Variants in SAMD8 observed in about 807,000 individuals in gnomAD.
SAMD8 encodes sterile alpha motif domain containing 8.
In SAMD8, 20 loss-of-function variants were observed where a neutral mutation model predicts 42.0. The observed-to-expected ratio is 0.48, with a 90% CI of 0.34 to 0.69. The LOEUF (loss-of-function observed/expected upper bound fraction) is 0.69. Ranked by LOEUF, SAMD8 falls within the 30% of genes least tolerant of loss-of-function variation. The pLI is 0.01. For missense variants in SAMD8, 328 were observed against 511.6 expected (o/e 0.64, Z 3.46); for synonymous variants, 162 against 173.0 (o/e 0.94, Z 0.50).
At chr10:75,112,169 G>T (rs1478515560) in intron 1 of SAMD8, among the ~76,000 whole-genome samples, 1 of 152,174 alleles carries the variant, frequency 6.6e-6, no homozygotes, top group Non-Finnish European at 1.5e-5. Context: ...GGCTGGGACT[G>T]GAGCCCTCTC....
chr10:75,108,956 G>A, upstream of SAMD8: 1 of 1,547,492 alleles, frequency 6.5e-7, no homozygotes, highest in Non-Finnish European at 8.7e-7. Flanking sequence ...AAGCGACCAA[G>A]AACTGCCTCT....
intron 2 of SAMD8, among the ~76,000 whole-genome samples, chr10:75,152,552 A>C (rs1354604311): frequency 6.6e-6 from 1 of 151,320 alleles, no homozygotes; most frequent in African/African-American, 2.4e-5. Flanking sequence ...AAAAAAAGAA[A>C]AATAAGAATA....
At chr10:75,152,615 G>A (rs1040630286) in intron 2 of SAMD8, among the ~76,000 whole-genome samples, 5 of 152,082 alleles carry the variant, frequency 3.3e-5, no homozygotes, top group Non-Finnish European at 5.9e-5. Context: ...CACTTTGGGA[G>A]GCCCAGGTGG....
chr10:75,115,940 CAAAA>C (rs35416435), intron 1 of SAMD8, among the ~76,000 whole-genome samples: 2 of 68,862 alleles, frequency 2.9e-5, no homozygotes, highest in African/African-American at 5.3e-5. Context: ...GACTCCGTCT[CAAAA>C]AAAAAAAAAA....
chr10:75,128,226 C>T (rs905003595), intron 1 of SAMD8, among the ~76,000 whole-genome samples: 1 of 151,944 alleles, frequency 6.6e-6, no homozygotes, highest in African/African-American at 2.4e-5. Context: ...GCACATGCTA[C>T]CACGTCCAGC....
At chr10:75,154,881 C>T (rs962342447) in intron 2 of SAMD8, among the ~76,000 whole-genome samples, 9 of 151,968 alleles carry the variant, frequency 5.9e-5, no homozygotes, top group African/African-American at 2.2e-4. Context: ...AAATATTATT[C>T]CAAGATGTTT....
chr10:75,158,303 G>T (rs951404073), intron 2 of SAMD8, among the ~76,000 whole-genome samples: 1 of 151,866 alleles, frequency 6.6e-6, no homozygotes, highest in African/African-American at 2.4e-5. Flanking sequence ...TTATTTTAAA[G>T]TATACAGGCT....
chr10:75,176,230 T>G lies in SAMD8; in HGVS notation c.943+14T>G. 6.2e-7 allele frequency: 1 copy of G among 1,614,220 alleles called. No homozygotes were observed. Among genetic ancestry groups the G allele is most frequent in the Non-Finnish European group, 8.5e-7 (1 of 1,180,020 alleles). On this transcript the variant is annotated intron_variant, in intron 5 of 5. Transcript: ENST00000542569. The surrounding 1 kb of genome is among the most constrained non-coding windows in gnomAD (Gnocchi z 4.3). ...TTGTCACCGAATGTAAGTATCTTTT[T>G]AGTGCTTCTATGCGTATTAGGTAAC...
intron 1 of SAMD8, among the ~76,000 whole-genome samples, chr10:75,138,196 G>A (rs1374634045): frequency 6.6e-6 from 1 of 152,178 alleles, no homozygotes; most frequent in African/African-American, 2.4e-5. Context: ...TTTTCAGACT[G>A]TGTAGTAGGA....
rs1022722503 is a variant in SAMD8 at position 75,152,726 on chromosome 10, C to T, written c.578+1620C>T. ...TCCAAAAAATTAAAAATTAGCCAAG[C>T]ATGATGGCACATGCCTGTAGTCCTA... On this transcript the variant is annotated intron_variant, in intron 2 of 5. Coordinates refer to ENST00000542569, the MANE Select transcript of SAMD8 (RefSeq NM_001174156.2). Among the ~76,000 whole-genome samples the T allele has an allele frequency of 2.0e-5, 3 of 151,920 alleles. No individual in the cohort carries two copies. In the South Asian group the frequency reaches 6.2e-4, roughly 32 times the overall value.
At chr10:75,107,719 G>A (rs1288779076), upstream of SAMD8, among the ~76,000 whole-genome samples, 1 of 152,134 alleles carries the variant, frequency 6.6e-6, no homozygotes, top group Non-Finnish European at 1.5e-5. Flanking sequence ...TGAGATTATA[G>A]GTGGGTGCCA....
At chr10:75,138,215 C>T (rs1839935300) in intron 1 of SAMD8, among the ~76,000 whole-genome samples, 1 of 152,092 alleles carries the variant, frequency 6.6e-6, no homozygotes, top group East Asian at 1.9e-4. Flanking sequence ...GAGGAAACGA[C>T]TAGAGGGAGA....
chr10:75,173,558 A>G (rs945884265), intron 4 of SAMD8, among the ~76,000 whole-genome samples: 4 of 152,188 alleles, frequency 2.6e-5, no homozygotes, highest in East Asian at 1.9e-4. Flanking sequence ...TGGTTGAGAC[A>G]TTTTCCTACC....
intron 1 of SAMD8, chr10:75,105,756 C>G: frequency 6.4e-7 from 1 of 1,553,514 alleles, no homozygotes; most frequent in Non-Finnish European, 8.7e-7. Flanking sequence ...ATCGGTGCTG[C>G]CTCACGGTGA....
intron 2 of SAMD8, among the ~76,000 whole-genome samples, chr10:75,160,637 TAA>T (rs1564692072): frequency 6.6e-6 from 1 of 152,046 alleles, no homozygotes; most frequent in Non-Finnish European, 1.5e-5. Context: ...AAAATGGCAG[TAA>T]AAGAGTGAAG....
intron 4 of SAMD8, among the ~76,000 whole-genome samples, chr10:75,171,169 T>C (rs1427881989): frequency 2.5e-5 from 3 of 122,088 alleles, no homozygotes; most frequent in Admixed American, 7.8e-5. Context: ...TCTTTTTTTT[T>C]TTTTTTTTTT....
At chr10:75,158,115 C>T (rs1474389839) in intron 2 of SAMD8, among the ~76,000 whole-genome samples, 2 of 149,750 alleles carry the variant, frequency 1.3e-5, no homozygotes, top group Non-Finnish European at 3.0e-5. Flanking sequence ...GTTGAGATCA[C>T]ACCATTGCAC....
intron 2 of SAMD8, among the ~76,000 whole-genome samples, chr10:75,161,852 C>G (rs1234950955): frequency 2.6e-5 from 4 of 152,068 alleles, no homozygotes; most frequent in Non-Finnish European, 4.4e-5. Flanking sequence ...GCCTGGCCAA[C>G]ATGGGAAAAC....
intron 2 of SAMD8, among the ~76,000 whole-genome samples, chr10:75,154,430 C>T (rs1840364482): frequency 6.6e-6 from 1 of 152,138 alleles, no homozygotes. Context: ...TTAGGCAAAG[C>T]AAACAGCTGG....
Sources: allele counts gnomAD v4.1 joint callset (sites outside exome capture counted in the v4.1 genomes callset), GRCh38; gene constraint gnomAD v4.1.1; non-coding constraint Gnocchi (gnomAD v3.1); transcripts MANE v1.5; gene names NCBI Gene and HGNC (gene_info 2026-07-23, HGNC 2026-07-21).